SLC22A16: variants seen among roughly 807,000 people sequenced by gnomAD.
The protein encoded by SLC22A16 is WUGSC:RG331P03.1.
SLC22A16 carries 53 observed loss-of-function variants against 52.9 expected under a neutral mutation model. That is an observed-to-expected ratio of 1.00 (90% confidence interval 0.80 to 1.26). SLC22A16 has a LOEUF of 1.26. Among genes scored for constraint, SLC22A16 ranks in the 50% most tolerant of loss-of-function variants. The probability of loss-of-function intolerance (pLI) is 0.00; values close to 1 mark genes in which losing one functional copy is unlikely to be tolerated. For missense variants in SLC22A16, 726 were observed against 704.0 expected, an observed-to-expected ratio of 1.03 and a Z score of -0.35; for synonymous variants, 291 against 268.8, an observed-to-expected ratio of 1.08 and a Z score of -0.81.
chr6:110,443,933 T>C (rs1181478726), intron 3 of SLC22A16, among the ~76,000 whole-genome samples: 2 of 152,140 alleles, frequency 1.3e-5, no homozygotes, highest in Admixed American at 1.3e-4. Context: ...AGAGACAGGA[T>C]GTAGAATGGT....
intron 7 of SLC22A16, among the ~76,000 whole-genome samples, chr6:110,428,379 A>C (rs1000260531): frequency 3.3e-5 from 5 of 152,314 alleles, no homozygotes; most frequent in Admixed American, 3.3e-4. Flanking sequence ...TGGGCCACTC[A>C]GGGACAGGCT....
rs1775003678 is a variant in SLC22A16, at chr6:110,442,391, G to C, written c.1036C>G (p.Leu346Val). The change falls in exon 4 of 8, where the codon CTA (leucine) becomes GTA (valine). Residue 346 changes from leucine (L) to valine (V), a missense_variant. Transcript: ENST00000368919. The stretch of plus-strand genomic sequence containing the variant: ...CTCCAGTTATAAAACAGATATGATA[G>C]GTTGTGCTTCTGAACTTCAGTGGGG... ...NSPTEVQKHN[L>V]SYLFYNWSIT... 2 of 1,614,208 alleles carry C rather than the reference G, an allele frequency of 1.2e-6. No homozygotes were observed. The highest frequency in any genetic ancestry group is 1.7e-6 in the Non-Finnish European group (2 of 1,180,034).
At chr6:110,439,569 G>A (rs221714) in intron 4 of SLC22A16, among the ~76,000 whole-genome samples, 149,242 of 152,322 alleles carry the variant, frequency 0.98, 73,141 homozygotes, top group Middle Eastern at 0.99. Context: ...GAACAAAAAC[G>A]GATGTGTCTG....
In SLC22A16 at chr6:110,429,782, C is replaced by T. The variant is rs191513057; in HGVS notation, c.1521+1389G>A. Among the ~76,000 whole-genome samples, 26 of 152,090 alleles carry T rather than the reference C, an allele frequency of 1.7e-4. No individual in the cohort carries two copies. The East Asian group carries it at 2.5e-3, about 15-fold the overall frequency. On this transcript the variant is annotated intron_variant, in intron 7 of 7. Coordinates refer to ENST00000368919, the MANE Select transcript of SLC22A16 (RefSeq NM_033125.4). ...CAGACATGCTTGAGAAAAGGAGAGG[C>T]GGGGTCACTAGATCTGGCTGGCCTC...
At position 110,438,775 on chromosome 6, in the gene SLC22A16, G is replaced by A. The variant is rs1774842094; in HGVS notation, c.1256C>T (p.Ala419Val). The A allele has an allele frequency of 6.2e-7, 1 of 1,613,952 alleles. No homozygotes were observed. Among genetic ancestry groups the A allele is most frequent in the African/African-American group, 1.3e-5 (1 of 74,894 alleles). ...MDKVGRRTVL[A>V]YSLFCSALAC... Reference sequence around the variant, plus strand: ...CAGTGCACTGCAGAAAAGAGAGTAGGCCAGGACTGTTCTCCTCCCGACCTT... The same window carrying A: ...CAGTGCACTGCAGAAAAGAGAGTAGACCAGGACTGTTCTCCTCCCGACCTT... Residue 419 changes from alanine to valine, a missense_variant, in exon 5 of 8, where the codon GCC (alanine) becomes GTC (valine). Physicochemically the swap from Ala to Val is moderately conservative, Grantham distance 64 (BLOSUM62 0). Coordinates refer to ENST00000368919, the MANE Select transcript of SLC22A16 (RefSeq NM_033125.4).
At chr6:110,443,067 A>T (rs1775039615) in intron 3 of SLC22A16, among the ~76,000 whole-genome samples, 1 of 152,188 alleles carries the variant, frequency 6.6e-6, no homozygotes, top group African/African-American at 2.4e-5. Context: ...TATACTGTGG[A>T]TGTATTTCTC....
intron 1 of SLC22A16, among the ~76,000 whole-genome samples, chr6:110,459,089 A>G (rs1213684482): frequency 1.3e-5 from 2 of 152,138 alleles, no homozygotes; most frequent in African/African-American, 4.8e-5. Flanking sequence ...TAAATAAATG[A>G]ATGAAAAAAT....
intron 2 of SLC22A16, among the ~76,000 whole-genome samples, chr6:110,452,888 A>G (rs1049829956): frequency 6.6e-5 from 10 of 152,164 alleles, no homozygotes; most frequent in Non-Finnish European, 1.5e-4. Flanking sequence ...AATGTGGTAA[A>G]TACCATTGAT....
intron 2 of SLC22A16, among the ~76,000 whole-genome samples, chr6:110,453,037 AT>A (rs1430367442): frequency 1.3e-5 from 2 of 152,078 alleles, no homozygotes; most frequent in East Asian, 3.9e-4. Context: ...CATTTCATGA[AT>A]TTTTTGTAGC....
At chr6:110,473,093 TG>T (rs1272603085) in intron 1 of SLC22A16, among the ~76,000 whole-genome samples, 1 of 152,126 alleles carries the variant, frequency 6.6e-6, no homozygotes, top group Admixed American at 6.5e-5. Flanking sequence ...ATGGGCTTTG[TG>T]GGAATGAAAT....
At chr6:110,460,581 G>T (rs962761750) in intron 1 of SLC22A16, among the ~76,000 whole-genome samples, 2 of 152,132 alleles carry the variant, frequency 1.3e-5, no homozygotes, top group African/African-American at 4.8e-5. Flanking sequence ...TGCTGTCAGT[G>T]GTGATTTGGG....
intron 6 of SLC22A16, 42 bp from the exon 7 acceptor site, chr6:110,431,312 T>C (rs749860655): frequency 1.3e-6 from 2 of 1,562,380 alleles, no homozygotes. Context: ...AAGGCACAAG[T>C]GACCCAGGGA....
chr6:110,456,960 G>A lies in SLC22A16; in HGVS notation c.111C>T (p.His37=), dbSNP rs759553953. The A allele has an allele frequency of 3.1e-6, 5 of 1,598,216 alleles. No individual in the cohort carries two copies. The highest frequency in any genetic ancestry group is 1.7e-4 in the Middle Eastern group (1 of 5,940). ...CTCCCATGAACACAGAAGCCAAGTA[G>A]TGAATACCACAAGAGATGTTCTGGA... The part of the protein sequence containing the change: ...CAFQNISCGI[H]YLASVFMGVT... Residue 37 remains histidine, a synonymous_variant, in exon 2 of 8, where the codon CAC becomes CAT. Transcript: ENST00000368919.
intron 7 of SLC22A16, among the ~76,000 whole-genome samples, chr6:110,430,879 G>A (rs1017648250): frequency 6.6e-6 from 1 of 152,224 alleles, no homozygotes; most frequent in African/African-American, 2.4e-5. Context: ...AGAGACCAGA[G>A]CTCTCCCTTC....
At position 110,425,008 on chromosome 6, in the gene SLC22A16, T is replaced by TG. The variant is rs1264922235; in HGVS notation, c.1598dup (p.Thr534AsnfsTer14). 1 of 1,614,204 alleles carries TG rather than the reference T, an allele frequency of 6.2e-7. No homozygotes were observed. The highest frequency in any genetic ancestry group is 1.3e-5 in the African/African-American group (1 of 75,042). ...GTTTTGCAGCCTCCTCCCAAGTAGT[T>TG]GCTAGCCGTTTCCCAAGGGTTTCTG... On this transcript the variant is annotated frameshift_variant, in exon 8 of 8. Transcript: ENST00000368919. LOFTEE classifies it low-confidence loss of function (END_TRUNC).
At chr6:110,471,511 G>A (rs67460788) in intron 1 of SLC22A16, among the ~76,000 whole-genome samples, 32,603 of 152,180 alleles carry the variant, frequency 0.21, 5,275 homozygotes, top group African/African-American at 0.45. Context: ...TGAATGAACC[G>A]TGAAATATTT....
intron 6 of SLC22A16, among the ~76,000 whole-genome samples, chr6:110,432,802 C>T (rs562822180): frequency 6.6e-6 from 1 of 152,304 alleles, no homozygotes; most frequent in African/African-American, 2.4e-5. Context: ...GCCACTTTCA[C>T]AATATGATCT....
intron 2 of SLC22A16, among the ~76,000 whole-genome samples, chr6:110,454,791 AAT>A (rs531407806): frequency 0.034 from 1,718 of 51,252 alleles, 170 homozygotes; most frequent in East Asian, 0.15. Flanking sequence ...TAAATATATA[AAT>A]ATATATAATA....
intron 1 of SLC22A16, chr6:110,475,820 A>G: frequency 2.4e-6 from 1 of 422,176 alleles, no homozygotes; most frequent in South Asian, 1.7e-5. Context: ...AATTTTTTAA[A>G]TCAATTTGAC....
Sources: gnomAD v4.1 joint callset for allele counts (sites outside exome capture counted in the v4.1 genomes callset) on GRCh38, gnomAD v4.1.1 for gene constraint, MANE v1.5 for transcripts, NCBI Gene and HGNC (gene_info 2026-07-23, HGNC 2026-07-21) for gene names.